UACA: variants seen among roughly 807,000 people sequenced by gnomAD.
UACA encodes uveal autoantigen with coiled-coil domains and ankyrin repeats, also known as nuclear membrane binding protein.
UACA carries 112 observed loss-of-function variants against 160.5 expected under a neutral mutation model. That is an observed-to-expected ratio of 0.70 (90% CI 0.60 to 0.82). The LOEUF (loss-of-function observed/expected upper bound fraction) is 0.82. UACA is among the 40% of genes least tolerant of loss of function. The pLI, the probability that UACA is intolerant of heterozygous loss-of-function variation, is 0.00. For synonymous variants in UACA, 557 were observed against 568.4 expected (o/e 0.98, Z 0.29); for missense variants, 1,574 against 1,614.6 (o/e 0.97, Z 0.43).
chr15:70,687,619 T>C lies in UACA; in HGVS notation c.523A>G (p.Thr175Ala). The change falls in exon 7 of 19, where the codon ACT becomes GCT. Residue 175 changes from threonine to alanine, a missense_variant. Thr to Ala is a moderately conservative substitution (Grantham distance 58). Coordinates refer to ENST00000322954, the MANE Select transcript of UACA (RefSeq NM_018003.4). ...CATATTGTTGGCCTACTCATCTGAG[T>C]AGCCAGAACAAGTGGTGTCCGCCCG... ...VDGRTPLVLA[T>A]QMSRPTICQL... 3 of 1,613,932 alleles carry C rather than the reference T, an allele frequency of 1.9e-6. No homozygotes were observed. The highest frequency in any genetic ancestry group is 2.5e-6 in the Non-Finnish European group (3 of 1,179,864).
At chr15:70,690,759 A>G (rs1164099956) in intron 4 of UACA, among the ~76,000 whole-genome samples, 1 of 152,176 alleles carries the variant, frequency 6.6e-6, no homozygotes, top group Non-Finnish European at 1.5e-5. Context: ...AAATACAGGA[A>G]AATATGTATT....
chr15:70,678,591 T>C (rs1897370440), intron 10 of UACA, among the ~76,000 whole-genome samples: 1 of 152,158 alleles, frequency 6.6e-6, no homozygotes, highest in Non-Finnish European at 1.5e-5. Context: ...TCATTTTCAG[T>C]GCTCTGGTAA....
intron 1 of UACA, among the ~76,000 whole-genome samples, chr15:70,708,714 G>C (rs138381204): frequency 0.027 from 4,049 of 152,172 alleles, 205 homozygotes; most frequent in African/African-American, 0.092. Context: ...CAAGTGATCT[G>C]CCCACGTCGG....
chr15:70,750,589 A>G (rs1020707010), intron 1 of UACA, among the ~76,000 whole-genome samples: 5 of 152,168 alleles, frequency 3.3e-5, no homozygotes, highest in African/African-American at 1.2e-4. Context: ...CACCCTGGCC[A>G]GGTGTGGTGG....
rs1488797117 is a variant in UACA at position 70,668,624 on chromosome 15, T to A, written c.2060A>T (p.His687Leu). The stretch of plus-strand genomic sequence containing the variant: ...TTCTAATCTGCTCTTAACCTGTTCA[T>A]GTTCCTCTGGTTTGACGTGCTGAGC... ...KLAQHVKPEE[H>L]EQVKSRLEQK... is the part of the protein sequence containing the mutation. Residue 687 changes from histidine to leucine, a missense_variant, in exon 16 of 19, where the codon CAT becomes CTT. Transcript: ENST00000322954. The A allele has an allele frequency of 6.2e-7, 1 of 1,613,912 alleles. No individual in the cohort carries two copies. The highest frequency in any genetic ancestry group is 1.3e-5 in the African/African-American group (1 of 74,940).
At chr15:70,717,168 C>T (rs1165927673) in intron 1 of UACA, among the ~76,000 whole-genome samples, 2 of 152,022 alleles carry the variant, frequency 1.3e-5, no homozygotes, top group Non-Finnish European at 2.9e-5. Flanking sequence ...TTGCGGTGAG[C>T]CGAGATCACA....
chr15:70,690,328 AC>A, intron 5 of UACA, 125 bp downstream of exon 5: 1 of 887,554 alleles, frequency 1.1e-6, no homozygotes, highest in Non-Finnish European at 1.8e-6. Context: ...ATTTGTGCAA[AC>A]AGGTTTTTAA....
At chr15:70,764,124 G>T (rs1312961386), upstream of UACA, among the ~76,000 whole-genome samples, 2 of 152,090 alleles carry the variant, frequency 1.3e-5, no homozygotes, top group African/African-American at 2.4e-5. Flanking sequence ...CTTGAAAGAC[G>T]TTATAGTAAG....
At chr15:70,723,476 A>G (rs1276360341) in intron 1 of UACA, among the ~76,000 whole-genome samples, 1 of 152,174 alleles carries the variant, frequency 6.6e-6, no homozygotes, top group Non-Finnish European at 1.5e-5. Context: ...TCTAAAGTAT[A>G]ATCTTGAAAT....
chr15:70,662,879 T>C (rs1403213684), intron 17 of UACA, among the ~76,000 whole-genome samples: 3 of 151,994 alleles, frequency 2.0e-5, no homozygotes, highest in South Asian at 2.1e-4. Flanking sequence ...GATTAAAGAC[T>C]TAAATGTTAT....
At chr15:70,676,410 T>G in intron 13 of UACA, 83 bp downstream of exon 13, 1 of 1,054,410 alleles carries the variant, frequency 9.5e-7, no homozygotes, top group Non-Finnish European at 1.4e-6. Context: ...AATAAGAGAT[T>G]TATAATTCAA....
intron 1 of UACA, among the ~76,000 whole-genome samples, chr15:70,713,734 C>T (rs1481148118): frequency 6.6e-6 from 1 of 151,980 alleles, no homozygotes; most frequent in African/African-American, 2.4e-5. Context: ...TTTTCACTTC[C>T]AAGAATTTAT....
rs201529951 is a variant in UACA at position 70,668,013 on chromosome 15, C to T, written c.2671G>A (p.Glu891Lys). ...TTTACAAATTCCTGATTTATATCTT[C>T]AAATTTTTTCTTCACATCTAATAAT... ...RELLDVKKKF[E>K]DINQEFVKIK... Residue 891 changes from glutamate to lysine, a missense_variant, in exon 16 of 19, where the codon GAA becomes AAA. Physicochemically the swap from Glu to Lys is moderately conservative, Grantham distance 56 (BLOSUM62 1). Coordinates refer to ENST00000322954, the MANE Select transcript of UACA (RefSeq NM_018003.4). 189 of 1,603,962 alleles carry T rather than the reference C, an allele frequency of 1.2e-4. 1 individual carries two copies. The highest frequency in any genetic ancestry group is 1.5e-4 in the Non-Finnish European group (182 of 1,176,324).
the UACA span, among the ~76,000 whole-genome samples, chr15:70,775,510 A>G: frequency 1.3e-5 from 2 of 149,360 alleles, no homozygotes; most frequent in Non-Finnish European, 3.0e-5. Context: ...CAAATGAAGT[A>G]AAAAAGGAAC....
In UACA at chr15:70,668,246, A is replaced by G. The variant is rs1212832355; in HGVS notation, c.2438T>C (p.Ile813Thr). The change falls in exon 16 of 19, where the codon ATA becomes ACA. Residue 813 changes from isoleucine to threonine, a missense_variant. Ile to Thr is a moderately conservative substitution (Grantham distance 89, BLOSUM62 -1). Transcript: ENST00000322954. ...FVPPEKHEKE[I>T]IALKSNIVEL... is the part of the protein sequence containing the mutation. The stretch of plus-strand genomic sequence containing the variant: ...AACAATATTGGATTTCAGAGCTATT[A>G]TCTCTTTTTCATGTTTCTCAGGAGG... 1.2e-6 allele frequency: 2 copies of G among 1,613,270 alleles called. No homozygotes were observed. Among genetic ancestry groups the G allele is most frequent in the Non-Finnish European group, 1.7e-6 (2 of 1,179,896 alleles).
At chr15:70,688,870 T>G (rs1897825165) in intron 5 of UACA, among the ~76,000 whole-genome samples, 1 of 152,136 alleles carries the variant, frequency 6.6e-6, no homozygotes, top group Non-Finnish European at 1.5e-5. Flanking sequence ...TGGAGATATT[T>G]GGAAGGCCAG....
At chr15:70,687,480 C>T in intron 7 of UACA, 60 bp downstream of exon 7, 1 of 1,517,400 alleles carries the variant, frequency 6.6e-7, no homozygotes, top group South Asian at 1.1e-5. Context: ...GCTGCTTTGA[C>T]TTGGCCTTTC....
At position 70,681,152 on chromosome 15, in the gene UACA, T is replaced by C. The variant is rs371152351; in HGVS notation, c.823-1476A>G. ...TTGTTTTTCTTCACAGCATCTGCTA[T>C]GATACTAAATATTCCTTTGCTTATT... On this transcript the variant is annotated intron_variant, in intron 9 of 18. Coordinates refer to ENST00000322954, the MANE Select transcript of UACA (RefSeq NM_018003.4). 4.8e-4 allele frequency among the ~76,000 whole-genome samples: 73 copies of C among 152,352 alleles called. 1 individual carries two copies. The highest frequency in any genetic ancestry group is 1.7e-3 in the African/African-American group (71 of 41,584).
At chr15:70,746,366 C>T (rs1240698751) in intron 1 of UACA, among the ~76,000 whole-genome samples, 2 of 152,014 alleles carry the variant, frequency 1.3e-5, no homozygotes, top group African/African-American at 4.8e-5. Flanking sequence ...TTTATGCAGC[C>T]AACAAACATC....
Sources: gnomAD v4.1 joint callset for allele counts (sites outside exome capture counted in the v4.1 genomes callset) on GRCh38, gnomAD v4.1.1 for gene constraint, MANE v1.5 for transcripts, NCBI Gene and HGNC (gene_info 2026-07-23, HGNC 2026-07-21) for gene names.